The following PRICKLE1 variants were observed in gnomAD, a reference collection of about 807,000 sequenced individuals.
PRICKLE1 encodes prickle planar cell polarity protein 1.
PRICKLE1 carries 14 observed loss-of-function variants against 70.2 expected under a neutral mutation model. That is an observed-to-expected ratio of 0.20 (90% CI 0.13 to 0.31). The LOEUF is 0.31. Ranked by LOEUF, PRICKLE1 falls within the 10% of genes least tolerant of loss-of-function variation. The probability of loss-of-function intolerance (pLI) is 1.00; values close to 1 mark genes in which losing one functional copy is unlikely to be tolerated. For synonymous variants in PRICKLE1, 357 were observed against 379.9 expected, an observed-to-expected ratio of 0.94 and a Z score of 0.70; for missense variants, 821 against 1,026.2, an observed-to-expected ratio of 0.80 and a Z score of 2.73.
intron 1 of PRICKLE1, among the ~76,000 whole-genome samples, chr12:42,549,120 A>AG (rs1491153932): frequency 4.5e-5 from 3 of 66,442 alleles, no homozygotes; most frequent in Middle Eastern, 7.5e-3. Context: ...CCCTGTCTCC[A>AG]AAAAAAAAAA....
At chr12:42,499,741 T>C (rs1939273100) in intron 1 of PRICKLE1, among the ~76,000 whole-genome samples, 1 of 149,368 alleles carries the variant, frequency 6.7e-6, no homozygotes. Context: ...TTTATTTATT[T>C]ATTTGAGACA....
At chr12:42,506,107 C>T (rs2708039) in intron 1 of PRICKLE1, among the ~76,000 whole-genome samples, 26,285 of 151,932 alleles carry the variant, frequency 0.17, 2,998 homozygotes, top group African/African-American at 0.31. Flanking sequence ...TATCAAGCAC[C>T]CATGTTGCTG....
At chr12:42,572,144 T>C (rs890775873) in intron 1 of PRICKLE1, among the ~76,000 whole-genome samples, 1 of 152,102 alleles carries the variant, frequency 6.6e-6, no homozygotes, top group African/African-American at 2.4e-5. Context: ...GTTTAAAATA[T>C]ATCTCTAGGC....
chr12:42,479,244 C>G (rs1938696993), intron 1 of PRICKLE1, among the ~76,000 whole-genome samples: 1 of 152,186 alleles, frequency 6.6e-6, no homozygotes. Context: ...ATAACAAAAC[C>G]TGAGTTTCAT....
At chr12:42,588,981 G>T (rs1269721597) in intron 1 of PRICKLE1, among the ~76,000 whole-genome samples, 1 of 152,128 alleles carries the variant, frequency 6.6e-6, no homozygotes, top group Admixed American at 6.5e-5. Context: ...TGGGGAGAGT[G>T]GTGGGAGTTG....
chr12:42,525,304 T>A (rs1367050578), intron 1 of PRICKLE1, among the ~76,000 whole-genome samples: 1 of 152,214 alleles, frequency 6.6e-6, no homozygotes, highest in African/African-American at 2.4e-5. Context: ...CTTTGTGATA[T>A]CCTTTATACA....
At chr12:42,512,326 A>G (rs899208439) in intron 1 of PRICKLE1, among the ~76,000 whole-genome samples, 4 of 138,900 alleles carry the variant, frequency 2.9e-5, no homozygotes, top group Non-Finnish European at 6.6e-5. Context: ...GTGCGGCACC[A>G]TGCCCAGCTA....
intron 1 of PRICKLE1, among the ~76,000 whole-genome samples, chr12:42,524,566 C>T (rs1257740424): frequency 3.3e-5 from 5 of 152,074 alleles, no homozygotes; most frequent in Admixed American, 6.5e-5. Flanking sequence ...TGCCTGCCAC[C>T]GCACCCGGCT....
chr12:42,478,655 A>G (rs1007417000), intron 1 of PRICKLE1, among the ~76,000 whole-genome samples: 10 of 152,180 alleles, frequency 6.6e-5, no homozygotes, highest in African/African-American at 2.4e-4. Context: ...AATGTCAAAC[A>G]GAAAAGAAGG....
chr12:42,497,895 C>T (rs1344797782), intron 1 of PRICKLE1, among the ~76,000 whole-genome samples: 2 of 152,178 alleles, frequency 1.3e-5, no homozygotes, highest in Non-Finnish European at 2.9e-5. Context: ...CATGTCCCCA[C>T]CCTGGACACG....
chr12:42,560,145 TA>T (rs1267930878), intron 1 of PRICKLE1, among the ~76,000 whole-genome samples: 55 of 129,262 alleles, frequency 4.3e-4, no homozygotes, highest in Non-Finnish European at 7.5e-4. Context: ...TTATTATTAT[TA>T]TTATTTTTGA....
intron 1 of PRICKLE1, among the ~76,000 whole-genome samples, chr12:42,583,148 C>CGTGT (rs68143024): frequency 2.8e-4 from 42 of 148,330 alleles, no homozygotes; most frequent in East Asian, 1.0e-3. Context: ...TAGATTGAAA[C>CGTGT]GTGTGTGTGT....
At position 42,477,534 on chromosome 12, in the gene PRICKLE1, G is replaced by GACC. The variant is rs1938617281; in HGVS notation, c.-48-4973_-48-4971dup. Among the ~76,000 whole-genome samples, 3 of 98,408 alleles carry GACC rather than the reference G, an allele frequency of 3.0e-5. No individual in the cohort carries two copies. The East Asian group carries it at 9.4e-4, about 31-fold the overall frequency. The allele number at this position is 98,408 out of a possible 152,430, so 64.6% of individuals were successfully genotyped here. A position where few individuals can be genotyped will look rare whatever the true frequency, so the allele number is the denominator to read the frequency against. On this transcript the variant is annotated intron_variant, in intron 1 of 7. Coordinates refer to ENST00000345127, the MANE Select transcript of PRICKLE1 (RefSeq NM_153026.3). ...TATATATATATATATATATATATAT[G>GACC]ACCTCACAAATAACCCTTCCTTAGG...
chr12:42,551,181 C>A, intron 1 of PRICKLE1, among the ~76,000 whole-genome samples: 1 of 152,136 alleles, frequency 6.6e-6, no homozygotes, highest in African/African-American at 2.4e-5. Flanking sequence ...TTAATATGCA[C>A]CTATGCAACC....
At chr12:42,476,998 G>A (rs1938563277) in intron 1 of PRICKLE1, among the ~76,000 whole-genome samples, 1 of 152,154 alleles carries the variant, frequency 6.6e-6, no homozygotes, top group Admixed American at 6.5e-5. Context: ...GATCCTGAGA[G>A]TCTATTCTTA....
At chr12:42,520,352 A>C (rs1366568722) in intron 1 of PRICKLE1, among the ~76,000 whole-genome samples, 1 of 152,208 alleles carries the variant, frequency 6.6e-6, no homozygotes, top group Non-Finnish European at 1.5e-5. Flanking sequence ...AATAATATTA[A>C]CAGGTAGTGG....
In PRICKLE1 at chr12:42,460,593, G is replaced by C; in HGVS notation, c.1712C>G (p.Thr571Arg). 1 of 1,613,730 alleles carries C rather than the reference G, an allele frequency of 6.2e-7. No individual in the cohort carries two copies. Among genetic ancestry groups the C allele is most frequent in the Non-Finnish European group, 8.5e-7 (1 of 1,180,010 alleles). ...ATTGCTCATCTTCTCACAATCTTCT[G>C]TTTCCATCTCCTCAAAATTTTGCAG... is the stretch of plus-strand genomic sequence containing the variant. ...YSLQNFEEMETEDCEKMSNMG... is the reference protein window; with the variant it reads ...YSLQNFEEMEREDCEKMSNMG... Residue 571 changes from threonine (T) to arginine (R), a missense_variant, in exon 8 of 8, where the codon ACA becomes AGA. Transcript: ENST00000345127.
rs879927442 is a variant in PRICKLE1, at chr12:42,501,508, CAAA to C, written c.-48-28947_-48-28945del. 1.1e-4 allele frequency among the ~76,000 whole-genome samples: 6 copies of C among 55,706 alleles called. 1 individual carries two copies. Among genetic ancestry groups the C allele is most frequent in the Non-Finnish European group, 1.9e-4 (5 of 25,912 alleles). The allele number at this position is 55,706 out of a possible 152,430, so 36.5% of individuals were successfully genotyped here. On this transcript the variant is annotated intron_variant, in intron 1 of 7. Coordinates refer to ENST00000345127, the MANE Select transcript of PRICKLE1 (RefSeq NM_153026.3). ...CTGGTAACAGAGTAAGACTCCATCT[CAAA>C]AAAAAAAAAAAAAAAAAAAGAAAAG...
At position 42,457,367 on chromosome 12, in the gene PRICKLE1, C is replaced by T. The variant is rs949103263; in HGVS notation, c.*2442G>A. 1.3e-5 allele frequency: 2 copies of T among 152,142 alleles called. No individual in the cohort carries two copies. Among genetic ancestry groups the T allele is most frequent in the African/African-American group, 4.8e-5 (2 of 41,438 alleles). The allele number at this position is 152,142 out of a possible 1,614,324, so 9.4% of individuals were successfully genotyped here. On this transcript the variant is annotated 3_prime_UTR_variant, in exon 8 of 8. Coordinates refer to ENST00000345127, the MANE Select transcript of PRICKLE1 (RefSeq NM_153026.3). ...CACCTGTTTACTATTTATTATCCAT[C>T]CTTTATAAGCAACATATTGCAACAG...
Sources: gnomAD v4.1 joint callset for allele counts (sites outside exome capture counted in the v4.1 genomes callset) on GRCh38, gnomAD v4.1.1 for gene constraint, MANE v1.5 for transcripts, NCBI Gene and HGNC (gene_info 2026-07-23, HGNC 2026-07-21) for gene names.